Variants in IL18R1 observed in about 807,000 individuals in gnomAD.
The protein encoded by IL18R1 is interleukin-18 receptor 1.
Under a neutral mutation model 48.5 loss-of-function variants are expected in IL18R1, and 40 were observed. The ratio of observed to expected loss-of-function variants is 0.82; its 90% CI spans 0.64 to 1.07. The LOEUF (loss-of-function observed/expected upper bound fraction) is 1.07. Ranked by LOEUF, IL18R1 falls within the 50% of genes least tolerant of loss-of-function variation. The pLI, the probability that IL18R1 is intolerant of heterozygous loss-of-function variation, is 0.00. For missense variants in IL18R1, 596 were observed against 633.7 expected, an observed-to-expected ratio of 0.94 and a Z score of 0.64; for synonymous variants, 232 against 225.9, an observed-to-expected ratio of 1.03 and a Z score of -0.24.
In IL18R1 at chr2:102,396,566, A is replaced by G. The variant is rs1185964064; in HGVS notation, c.1306A>G (p.Ser436Gly). The G allele has an allele frequency of 6.2e-7, 1 of 1,606,174 alleles. No homozygotes were observed. The highest frequency in any genetic ancestry group is 1.1e-5 in the South Asian group (1 of 89,090). Residue 436 changes from serine to glycine, a missense_variant, in exon 11 of 11, where the codon AGC (serine) becomes GGC (glycine). Coordinates refer to ENST00000233957, the MANE Select transcript of IL18R1 (RefSeq NM_003855.5). ...TGAAATCCACTCACTGATAGAGAAA[A>G]GCCGAAGACTAATCATTGTCCTAAG... ...VDEIHSLIEK[S>G]RRLIIVLSKS...
chr2:102,372,093 TG>T lies in IL18R1; in HGVS notation c.445del (p.Val149SerfsTer23). The T allele has an allele frequency of 6.2e-7, 1 of 1,602,680 alleles. No homozygotes were observed. Among genetic ancestry groups the T allele is most frequent in the Non-Finnish European group, 8.5e-7 (1 of 1,177,112 alleles). On this transcript the variant is annotated frameshift_variant, in exon 4 of 11. Transcript: ENST00000233957. LOFTEE classifies it high-confidence loss of function. ...TGTGAAAACAGTTACTATCAAACAC[TG>T]GTCAACAGCACATCATTGTATAAGG... Reference protein sequence around the residue: ...ITCENSYYQTLVNSTSLYKNC... With the variant: ...ITCENSYYQTXVNSTSLYKNC...
rs374099488 is a variant in IL18R1 at position 102,357,287 on chromosome 2, C to T, written c.-29+887C>T. ...TGGGCGGATCATGAGGTCAGGAGAT[C>T]GAGACCATCCTGGCTAACATGGTGA... On this transcript the variant is annotated intron_variant, in intron 1 of 10. Transcript: ENST00000233957. Among the ~76,000 whole-genome samples the T allele has an allele frequency of 5.9e-5, 9 of 152,022 alleles. No individual in the cohort carries two copies. The East Asian group carries it at 1.6e-3, about 26-fold the overall frequency.
intron 9 of IL18R1, among the ~76,000 whole-genome samples, chr2:102,393,942 G>T (rs576991982): frequency 6.6e-6 from 1 of 152,114 alleles, no homozygotes; most frequent in Non-Finnish European, 1.5e-5. Context: ...CTTTTTCCAA[G>T]TTGTTGCATG....
chr2:102,393,319 A>G (rs73006142), intron 9 of IL18R1, among the ~76,000 whole-genome samples: 2,575 of 152,286 alleles, frequency 0.017, 74 homozygotes, highest in African/African-American at 0.059. Context: ...AACATTTCAT[A>G]CCTTTGATAT....
chr2:102,374,188 G>C (rs17027029), intron 4 of IL18R1, among the ~76,000 whole-genome samples: 32,475 of 152,034 alleles, frequency 0.21, 3,873 homozygotes, highest in African/African-American at 0.32. Context: ...AGCTGATGTA[G>C]TTTATATGGA....
intron 6 of IL18R1, among the ~76,000 whole-genome samples, chr2:102,384,023 T>C (rs1000773122): frequency 2.6e-5 from 4 of 152,232 alleles, no homozygotes; most frequent in Non-Finnish European, 5.9e-5. Context: ...TGTTGATCTT[T>C]ATGTATCAAA....
At chr2:102,388,412 G>T (rs777112366) in intron 8 of IL18R1, among the ~76,000 whole-genome samples, 9 of 152,228 alleles carry the variant, frequency 5.9e-5, no homozygotes, top group Non-Finnish European at 1.2e-4. Flanking sequence ...TGGAATCTGT[G>T]TTCTTACCTT....
At chr2:102,394,843 C>T (rs73006147) in intron 10 of IL18R1, among the ~76,000 whole-genome samples, 2,575 of 152,266 alleles carry the variant, frequency 0.017, 73 homozygotes, top group African/African-American at 0.059. Context: ...TTGTGCTTCA[C>T]GGTTCTCTGA....
chr2:102,395,139 G>T (rs927645631), intron 10 of IL18R1, among the ~76,000 whole-genome samples: 1 of 152,058 alleles, frequency 6.6e-6, no homozygotes, highest in Non-Finnish European at 1.5e-5. Context: ...AAAATAACAG[G>T]AAAGCGGTGA....
intron 7 of IL18R1, 29 bp downstream of exon 7, chr2:102,385,027 T>C: frequency 8.3e-7 from 1 of 1,207,418 alleles, no homozygotes; most frequent in Non-Finnish European, 1.2e-6. Flanking sequence ...TATGTCATGA[T>C]ATATACCATA....
intron 9 of IL18R1, among the ~76,000 whole-genome samples, chr2:102,391,266 C>T (rs1680555861): frequency 6.6e-6 from 1 of 152,052 alleles, no homozygotes. Flanking sequence ...ATCTATGATT[C>T]CCACCCCTCA....
chr2:102,370,311 A>C (rs748694551), intron 3 of IL18R1, among the ~76,000 whole-genome samples: 34 of 152,226 alleles, frequency 2.2e-4, no homozygotes, highest in Admixed American at 2.1e-3. Flanking sequence ...ATGTAGTCTG[A>C]AAAAATGGGG....
chr2:102,397,007 T>G lies in IL18R1; in HGVS notation c.*121T>G. 1 of 652,852 alleles carries G rather than the reference T, an allele frequency of 1.5e-6. No homozygotes were observed. The highest frequency in any genetic ancestry group is 2.2e-5 in the South Asian group (1 of 45,098). 40.4% of individuals were successfully genotyped at this position (652,852 alleles called of 1,614,324 possible). On this transcript the variant is annotated 3_prime_UTR_variant, in exon 11 of 11. Transcript: ENST00000233957. ...AACTTTGTCAAAATCCTGCTCACAATTTGAAGATGAAACTTGTCATTAGGT... is the reference window on the plus strand; with the variant it reads ...AACTTTGTCAAAATCCTGCTCACAAGTTGAAGATGAAACTTGTCATTAGGT...
chr2:102,370,391 A>G (rs533505194), intron 3 of IL18R1, among the ~76,000 whole-genome samples: 151 of 152,318 alleles, frequency 9.9e-4, no homozygotes, highest in African/African-American at 3.3e-3. Context: ...TCTCCAATTC[A>G]TTGAGGTCAA....
In IL18R1 at chr2:102,396,907, C is replaced by G. The variant is rs556063317; in HGVS notation, c.*21C>G. The stretch of plus-strand genomic sequence containing the variant: ...CTTAATCTTCAGAAACAGTGAACGC[C>G]AAAAAGAACTCAAGATATTCTGGGG... On this transcript the variant is annotated 3_prime_UTR_variant, in exon 11 of 11. Transcript: ENST00000233957. 1.4e-6 allele frequency: 2 copies of G among 1,432,694 alleles called. No homozygotes were observed. Among genetic ancestry groups the G allele is most frequent in the South Asian group, 2.6e-5 (2 of 76,878 alleles). The allele number at this position is 1,432,694 out of a possible 1,614,324, so 88.7% of individuals were successfully genotyped here. A position where few individuals can be genotyped will look rare whatever the true frequency, so the allele number is the denominator to read the frequency against.
At chr2:102,391,414 A>T (rs1336147337) in intron 9 of IL18R1, among the ~76,000 whole-genome samples, 2 of 152,240 alleles carry the variant, frequency 1.3e-5, no homozygotes, top group Non-Finnish European at 2.9e-5. Context: ...ATGTTACTTT[A>T]TAAAGCAGTC....
At chr2:102,382,874 T>C (rs928285079) in intron 6 of IL18R1, among the ~76,000 whole-genome samples, 1 of 152,190 alleles carries the variant, frequency 6.6e-6, no homozygotes, top group Non-Finnish European at 1.5e-5. Context: ...TTAACTTGTA[T>C]CTTTTGTTCT....
chr2:102,391,234 C>T (rs186975340), intron 9 of IL18R1, among the ~76,000 whole-genome samples: 30 of 151,928 alleles, frequency 2.0e-4, no homozygotes, highest in Non-Finnish European at 3.2e-4. Context: ...CTTCAGTAGC[C>T]CCCCTTCCAG....
At chr2:102,389,969 C>A in intron 8 of IL18R1, 87 bp from the exon 9 acceptor site, 2 of 1,296,404 alleles carry the variant, frequency 1.5e-6, no homozygotes, top group South Asian at 1.3e-5. Flanking sequence ...TTAGTGTTAG[C>A]AGTAAAAATG....
Sources: allele counts gnomAD v4.1 joint callset (sites outside exome capture counted in the v4.1 genomes callset), GRCh38; gene constraint gnomAD v4.1.1; transcripts MANE v1.5; gene names NCBI Gene and HGNC (gene_info 2026-07-23, HGNC 2026-07-21).